WDPCP: variants seen among roughly 807,000 people sequenced by gnomAD.
WDPCP encodes WD repeat-containing and planar cell polarity effector protein fritz homolog.
Under a neutral mutation model 93.1 loss-of-function variants are expected in WDPCP, and 71 were observed. The observed-to-expected ratio is 0.76, with a 90% confidence interval of 0.63 to 0.93. The LOEUF (loss-of-function observed/expected upper bound fraction) is 0.93, where lower values mean the gene tolerates loss of function less well. WDPCP is among the 40% of genes least tolerant of loss of function. WDPCP has a pLI of 0.00. For missense variants in WDPCP, 844 were observed against 887.4 expected (o/e 0.95, Z 0.62); for synonymous variants, 315 against 315.0 (o/e 1.00, Z 0.00).
chr2:63,446,016 C>A (rs750938854), intron 6 of WDPCP, among the ~76,000 whole-genome samples: 14 of 152,246 alleles, frequency 9.2e-5, no homozygotes, highest in Non-Finnish European at 1.5e-4. Context: ...GAGACCAAGA[C>A]AGGTCTATTA....
chr2:63,512,138 A>G (rs1046582003), intron 1 of WDPCP, among the ~76,000 whole-genome samples: 1 of 152,244 alleles, frequency 6.6e-6, no homozygotes, highest in African/African-American at 2.4e-5. Context: ...ACATATGAAA[A>G]AAAGCTCATC....
chr2:63,519,903 T>C (rs1355356679), intron 1 of WDPCP, among the ~76,000 whole-genome samples: 1 of 152,062 alleles, frequency 6.6e-6, no homozygotes, highest in Non-Finnish European at 1.5e-5. Context: ...AAATGACAGA[T>C]ACAGAATTCA....
At chr2:63,264,008 G>A (rs1009385546) in intron 13 of WDPCP, among the ~76,000 whole-genome samples, 1 of 152,074 alleles carries the variant, frequency 6.6e-6, no homozygotes, top group African/African-American at 2.4e-5. Context: ...ACTTGTAGAA[G>A]TCCTTTCTGG....
intron 2 of WDPCP, among the ~76,000 whole-genome samples, chr2:63,802,719 T>C (rs1352206197): frequency 6.6e-6 from 1 of 152,208 alleles, no homozygotes; most frequent in African/African-American, 2.4e-5. Flanking sequence ...TTATTGTTAG[T>C]CTATATAGTA....
chr2:63,460,583 C>A (rs1698937200), intron 6 of WDPCP, among the ~76,000 whole-genome samples: 1 of 152,038 alleles, frequency 6.6e-6, no homozygotes, highest in Non-Finnish European at 1.5e-5. Flanking sequence ...CTCACATGTA[C>A]CCCACAAATA....
chr2:63,185,045 A>G (rs1674518920), intron 14 of WDPCP, among the ~76,000 whole-genome samples: 1 of 152,126 alleles, frequency 6.6e-6, no homozygotes, highest in Non-Finnish European at 1.5e-5. Context: ...TTTCATTTCC[A>G]AAAGTTATGT....
At chr2:63,369,701 A>G (rs11683229) in intron 12 of WDPCP, among the ~76,000 whole-genome samples, 13,328 of 152,208 alleles carry the variant, frequency 0.088, 804 homozygotes, top group South Asian at 0.16. Context: ...AATCCAGTCT[A>G]TTTCTCTCAC....
At chr2:63,605,009 A>G in intron 3 of WDPCP, 1 of 816,616 alleles carries the variant, frequency 1.2e-6, no homozygotes, top group Non-Finnish European at 1.9e-6. Flanking sequence ...ATAGTAAGCC[A>G]GTCATGATCT....
At chr2:63,731,502 T>A (rs1276467938) in intron 2 of WDPCP, among the ~76,000 whole-genome samples, 1 of 152,164 alleles carries the variant, frequency 6.6e-6, no homozygotes, top group Non-Finnish European at 1.5e-5. Context: ...AAGGCAACCC[T>A]GTACCCATAA....
At chr2:63,647,792 A>T (rs1553447758) in intron 3 of WDPCP, among the ~76,000 whole-genome samples, 3 of 149,682 alleles carry the variant, frequency 2.0e-5, no homozygotes, top group Non-Finnish European at 4.5e-5. Context: ...CTGTATTATC[A>T]TTTTTTTTTT....
intron 2 of WDPCP, among the ~76,000 whole-genome samples, chr2:63,682,279 A>C (rs974590843): frequency 1.3e-5 from 2 of 152,240 alleles, no homozygotes; most frequent in African/African-American, 4.8e-5. Context: ...AACTCAAAGA[A>C]ATTCAAGATA....
intron 1 of WDPCP, among the ~76,000 whole-genome samples, chr2:63,536,847 C>T (rs907830707): frequency 6.9e-6 from 1 of 144,760 alleles, no homozygotes; most frequent in Non-Finnish European, 1.5e-5. Flanking sequence ...CTCACTGCAA[C>T]CTTCGCCTCC....
intron 12 of WDPCP, among the ~76,000 whole-genome samples, chr2:63,376,532 A>T (rs1219090161): frequency 6.6e-6 from 1 of 151,948 alleles, no homozygotes; most frequent in Non-Finnish European, 1.5e-5. Flanking sequence ...GCCAGAGACA[A>T]TGAGGACACA....
At chr2:63,559,835 T>C (rs1706451976) in intron 1 of WDPCP, among the ~76,000 whole-genome samples, 1 of 152,186 alleles carries the variant, frequency 6.6e-6, no homozygotes, top group Non-Finnish European at 1.5e-5. Context: ...GAAGAATCAA[T>C]ATCATGAAAA....
At chr2:63,174,425 A>G (rs13423930) in intron 15 of WDPCP, among the ~76,000 whole-genome samples, 2,990 of 152,290 alleles carry the variant, frequency 0.02, 109 homozygotes, top group African/African-American at 0.069. Context: ...AAACAATTCA[A>G]TATGTTATAG....
chr2:63,195,558 A>C (rs942773959), intron 14 of WDPCP, among the ~76,000 whole-genome samples: 3 of 152,060 alleles, frequency 2.0e-5, no homozygotes, highest in African/African-American at 7.2e-5. Flanking sequence ...TCCTGGGCTT[A>C]AGTGATCCTC....
At chr2:63,187,932 TTTC>T (rs1674762600) in intron 14 of WDPCP, among the ~76,000 whole-genome samples, 1 of 152,240 alleles carries the variant, frequency 6.6e-6, no homozygotes, top group African/African-American at 2.4e-5. Context: ...AAGGTCTTCA[TTTC>T]TTCTTCATTT....
intron 2 of WDPCP, among the ~76,000 whole-genome samples, chr2:63,782,740 A>ATATGTG: frequency 7.1e-6 from 1 of 141,242 alleles, no homozygotes; most frequent in Admixed American, 7.0e-5. Context: ...CACAGGCAAC[A>ATATGTG]TGTGTGTGTG....
At chr2:63,583,693 AG>A (rs2106559160) in intron 1 of WDPCP, among the ~76,000 whole-genome samples, 1 of 147,410 alleles carries the variant, frequency 6.8e-6, no homozygotes, top group Admixed American at 6.8e-5. Context: ...AAAAAAAAAA[AG>A]AAAGAAATTT....
Sources: gnomAD v4.1 joint callset for allele counts (sites outside exome capture counted in the v4.1 genomes callset) on GRCh38, gnomAD v4.1.1 for gene constraint, MANE v1.5 for transcripts, NCBI Gene and HGNC (gene_info 2026-07-23, HGNC 2026-07-21) for gene names.